CLIP1: variants seen among roughly 807,000 people sequenced by gnomAD.
CLIP1 encodes CAP-Gly domain-containing linker protein 1.
A neutral mutation model predicts 161.6 loss-of-function variants in CLIP1; 66 were observed. That is an observed-to-expected ratio of 0.41 (90% CI 0.33 to 0.50). CLIP1 has a LOEUF of 0.50. Among genes scored for constraint, CLIP1 ranks in the 20% least tolerant of loss-of-function variants. The pLI, the probability that CLIP1 is intolerant of heterozygous loss-of-function variation, is 0.27. For synonymous variants in CLIP1, 598 were observed against 626.2 expected, an observed-to-expected ratio of 0.96 and a Z score of 0.67; for missense variants, 1,376 against 1,702.0, an observed-to-expected ratio of 0.81 and a Z score of 3.37.
chr12:122,316,259 G>A (rs1262605085), intron 19 of CLIP1, among the ~76,000 whole-genome samples: 1 of 151,208 alleles, frequency 6.6e-6, no homozygotes, highest in East Asian at 2.0e-4. Flanking sequence ...CACCCAGGCT[G>A]GAGTGCAGTG....
chr12:122,354,402 A>C, intron 7 of CLIP1, 51 bp downstream of exon 7: 2 of 1,469,680 alleles, frequency 1.4e-6, no homozygotes, highest in Non-Finnish European at 1.9e-6. Flanking sequence ...CTCAAAAACA[A>C]AAAAAAAGGG....
intron 1 of CLIP1, among the ~76,000 whole-genome samples, chr12:122,420,068 G>A (rs1034691469): frequency 2.7e-4 from 41 of 150,866 alleles, no homozygotes; most frequent in Non-Finnish European, 4.0e-4. Flanking sequence ...CAGGCCAGGC[G>A]TGGTGGCTCA....
In CLIP1 at chr12:122,380,509, C is replaced by G. The variant is rs1262674420; in HGVS notation, c.-57G>C. ...GCCTGTTGCCACTATCTTTCCCCAA[C>G]CATTGATACAACTGTGGGTTCTATA... On this transcript the variant is annotated 5_prime_UTR_variant, in exon 2 of 26. Transcript: ENST00000620786. 2.8e-6 allele frequency: 3 copies of G among 1,084,586 alleles called. No individual in the cohort carries two copies. The South Asian group carries it at 3.9e-5, about 14-fold the overall frequency. 67.2% of individuals were successfully genotyped at this position (1,084,586 alleles called of 1,614,324 possible).
chr12:122,414,054 T>G (rs1182509213), intron 1 of CLIP1, among the ~76,000 whole-genome samples: 6 of 152,176 alleles, frequency 3.9e-5, no homozygotes, highest in African/African-American at 1.4e-4. Context: ...AAGAGGTCAC[T>G]CTTCCTTGAA....
Position 122,278,859 on chromosome 12 carries a change from G to C in CLIP1, c.3849C>G (p.Leu1283=), listed in dbSNP as rs142499667. The change falls in exon 23 of 26, where the codon CTC becomes CTG. Residue 1283 remains leucine, a synonymous_variant. Coordinates refer to ENST00000620786, the MANE Select transcript of CLIP1 (RefSeq NM_001247997.2). ...GCTCCAAGTTCTTTACCTTGAGCTCGAGCTTCACCTTATCAGACTCTAGAG... is the reference window on the plus strand; with the variant it reads ...GCTCCAAGTTCTTTACCTTGAGCTCCAGCTTCACCTTATCAGACTCTAGAG... The part of the protein sequence containing the change: ...VQTLESDKVK[L]ELKVKNLELQ... 165 of 1,612,462 alleles carry C rather than the reference G, an allele frequency of 1.0e-4. No homozygotes were observed. The highest frequency in any genetic ancestry group is 1.3e-4 in the Non-Finnish European group (152 of 1,179,464).
chr12:122,276,612 AG>A (rs1212928612), intron 24 of CLIP1: 8 of 538,694 alleles, frequency 1.5e-5, no homozygotes, highest in Non-Finnish European at 2.2e-5. Context: ...CCCTCAAAGG[AG>A]GTGTCTGGCA....
chr12:122,413,086 C>T (rs570052735), intron 1 of CLIP1, among the ~76,000 whole-genome samples: 2 of 152,150 alleles, frequency 1.3e-5, no homozygotes, highest in Middle Eastern at 3.4e-3. Flanking sequence ...AGTTTATTTA[C>T]GGTCTAGAAA....
At chr12:122,303,433 C>T (rs550200275) in intron 20 of CLIP1, among the ~76,000 whole-genome samples, 49 of 152,240 alleles carry the variant, frequency 3.2e-4, no homozygotes, top group African/African-American at 1.1e-3. Flanking sequence ...TTATCTGAGG[C>T]CTTTATCTTT....
At chr12:122,407,127 C>T (rs956284178) in intron 1 of CLIP1, among the ~76,000 whole-genome samples, 2 of 152,068 alleles carry the variant, frequency 1.3e-5, no homozygotes, top group East Asian at 1.9e-4. Flanking sequence ...CTTAATGGGT[C>T]GGCAGCAGTC....
intron 20 of CLIP1, 79 bp downstream of exon 20, chr12:122,309,683 G>A (rs961053655): frequency 1.0e-5 from 16 of 1,566,050 alleles, no homozygotes; most frequent in African/African-American, 8.1e-5. Context: ...GCAGACCTCC[G>A]AGTGGCCTCT....
At chr12:122,378,088 T>A (rs1287161548) in intron 2 of CLIP1, 128 bp from the exon 3 acceptor site, 2 of 790,204 alleles carry the variant, frequency 2.5e-6, no homozygotes, top group East Asian at 5.2e-5. Context: ...TGTTTTAAAG[T>A]GTGGTTTTTT....
intron 11 of CLIP1, among the ~76,000 whole-genome samples, chr12:122,338,786 C>T (rs1005102202): frequency 3.9e-5 from 6 of 152,148 alleles, no homozygotes; most frequent in South Asian, 2.1e-4. Flanking sequence ...TTCATGAAAT[C>T]TTGATGTTAA....
intron 1 of CLIP1, among the ~76,000 whole-genome samples, chr12:122,392,168 G>C (rs1196867137): frequency 1.3e-5 from 2 of 152,164 alleles, no homozygotes; most frequent in African/African-American, 4.8e-5. Context: ...CTACTCAGGA[G>C]GCCGAGGCAG....
In CLIP1 at chr12:122,416,560, T is replaced by C. The variant is rs188667865; in HGVS notation, c.-107+5961A>G. On this transcript the variant is annotated intron_variant, in intron 1 of 25. Transcript: ENST00000620786. ...GATCACTTAAGCTCAGGAATTTGAG[T>C]CTAGCTTGGGCGATATAACAAGACC... is the stretch of plus-strand genomic sequence containing the variant. Among the ~76,000 whole-genome samples the C allele has an allele frequency of 2.1e-3, 320 of 152,034 alleles. 2 individuals carry two copies. The highest frequency in any genetic ancestry group is 7.2e-3 in the African/African-American group (297 of 41,488).
At position 122,366,401 on chromosome 12, in the gene CLIP1, G is replaced by A. The variant is rs181306106; in HGVS notation, c.658-2294C>T. On this transcript the variant is annotated intron_variant, in intron 3 of 25. Transcript: ENST00000620786. Reference sequence around the variant, plus strand: ...TTTGGGAGGCTGAGGTGGGAGGATCGCTGGAGTCCCCAAGGCTGCAGTGAG... The same window carrying A: ...TTTGGGAGGCTGAGGTGGGAGGATCACTGGAGTCCCCAAGGCTGCAGTGAG... Among the ~76,000 whole-genome samples, 23 of 151,942 alleles carry A rather than the reference G, an allele frequency of 1.5e-4. 1 individual carries two copies. The highest frequency in any genetic ancestry group is 8.5e-4 in the Admixed American group (13 of 15,264).
At chr12:122,292,356 G>C (rs1838618836) in intron 20 of CLIP1, among the ~76,000 whole-genome samples, 1 of 152,016 alleles carries the variant, frequency 6.6e-6, no homozygotes, top group Admixed American at 6.6e-5. Context: ...TATTCAGTCG[G>C]TTATAATCTA....
At chr12:122,342,826 T>TTA (rs1952566688) in intron 10 of CLIP1, 1 of 120,724 alleles carries the variant, frequency 8.3e-6, no homozygotes, top group East Asian at 2.2e-4. Context: ...ACTCTGTCTC[T>TTA]AAAAAAAAAA....
Position 122,273,119 on chromosome 12 carries a change from G to A in CLIP1, c.4092-19C>T, listed in dbSNP as rs1405109171. 1.8e-5 allele frequency: 29 copies of A among 1,593,710 alleles called. No individual in the cohort carries two copies. Among genetic ancestry groups the A allele is most frequent in the Non-Finnish European group, 2.4e-5 (28 of 1,165,628 alleles). The stretch of plus-strand genomic sequence containing the variant: ...ATCATCACTACAAATGTTAATGTGT[G>A]AAATCAGAAAATTTATCAGAAGAAA... On this transcript the variant is annotated intron_variant, in intron 25 of 25. Transcript: ENST00000620786.
chr12:122,314,378 C>T (rs1170816039), intron 19 of CLIP1, among the ~76,000 whole-genome samples: 3 of 151,462 alleles, frequency 2.0e-5, no homozygotes, highest in Non-Finnish European at 2.9e-5. Context: ...GGTTGAGGCA[C>T]GAAAACTGCT....
Sources: allele counts gnomAD v4.1 joint callset (sites outside exome capture counted in the v4.1 genomes callset), GRCh38; gene constraint gnomAD v4.1.1; transcripts MANE v1.5; gene names NCBI Gene and HGNC (gene_info 2026-07-23, HGNC 2026-07-21).